The following ZNF385D variants were observed in gnomAD, a reference collection of about 807,000 sequenced individuals.
ZNF385D encodes the protein zinc finger protein 385D.
In ZNF385D, 15 loss-of-function variants were observed where a neutral mutation model predicts 35.8. The observed-to-expected ratio is 0.42, with a 90% CI of 0.28 to 0.64. ZNF385D has a LOEUF of 0.64. Ranked by LOEUF, ZNF385D falls within the 30% of genes least tolerant of loss-of-function variation. The probability of loss-of-function intolerance (pLI) is 0.23; values close to 1 mark genes in which losing one functional copy is unlikely to be tolerated. For synonymous variants in ZNF385D, 212 were observed against 186.8 expected (o/e 1.13, Z -1.10); for missense variants, 474 against 494.6 (o/e 0.96, Z 0.39).
At chr3:22,209,099 C>CCCATAATATT (rs1697347576) in intron 2 of ZNF385D, among the ~76,000 whole-genome samples, 1 of 151,884 alleles carries the variant, frequency 6.6e-6, no homozygotes, top group Non-Finnish European at 1.5e-5. Flanking sequence ...AGGCATTCTG[C>CCCATAATATT]TCCTCCGATT....
At chr3:21,508,762 T>G (rs1292089134) in intron 4 of ZNF385D, among the ~76,000 whole-genome samples, 1 of 152,162 alleles carries the variant, frequency 6.6e-6, no homozygotes, top group African/African-American at 2.4e-5. Context: ...GATACTAAAC[T>G]TCTACACTTT....
At chr3:21,614,329 C>T (rs1164220182) in intron 2 of ZNF385D, among the ~76,000 whole-genome samples, 1 of 152,178 alleles carries the variant, frequency 6.6e-6, no homozygotes, top group East Asian at 1.9e-4. Context: ...CTAATCTCTT[C>T]CTCTTAAAGG....
chr3:21,843,786 G>T (rs1695827305), intron 3 of ZNF385D, among the ~76,000 whole-genome samples: 3 of 151,878 alleles, frequency 2.0e-5, no homozygotes, highest in Non-Finnish European at 2.9e-5. Context: ...TATGAACTTT[G>T]ACAGAAACAA....
chr3:21,965,500 G>A (rs1329362818), intron 3 of ZNF385D, among the ~76,000 whole-genome samples: 1 of 116,964 alleles, frequency 8.5e-6, no homozygotes, highest in African/African-American at 6.8e-5. Context: ...ATCCCTCAGA[G>A]TAACTGGCTT....
In ZNF385D at chr3:22,325,082, G is replaced by A. The variant is rs1340659790; in HGVS notation, c.106+47368C>T. ...ATGCAAAGTACTTAGTATAGTGCAC[G>A]CCACAGAGTGCTATATAAAGTGTAA... On this transcript the variant is annotated intron_variant, in intron 2 of 5. Coordinates refer to the ZNF385D transcript ENST00000494108. Among the ~76,000 whole-genome samples, 7 of 152,234 alleles carry A rather than the reference G, an allele frequency of 4.6e-5. 1 individual carries two copies. Among genetic ancestry groups the A allele is most frequent in the Middle Eastern group, 3.4e-3 (1 of 294 alleles).
intron 3 of ZNF385D, among the ~76,000 whole-genome samples, chr3:21,888,576 G>C (rs185007583): frequency 6.6e-6 from 1 of 152,230 alleles, no homozygotes; most frequent in Non-Finnish European, 1.5e-5. Flanking sequence ...CAGTGTTGCT[G>C]CGGAAACAGA....
At chr3:21,458,123 T>C (rs930480769) in intron 4 of ZNF385D, among the ~76,000 whole-genome samples, 1 of 151,926 alleles carries the variant, frequency 6.6e-6, no homozygotes, top group African/African-American at 2.4e-5. Flanking sequence ...GAATTTAAAC[T>C]CCCAGGCATC....
chr3:22,065,964 T>C (rs1199610741), intron 3 of ZNF385D, among the ~76,000 whole-genome samples: 1 of 152,092 alleles, frequency 6.6e-6, no homozygotes, highest in African/African-American at 2.4e-5. Context: ...GGCTCAGTTT[T>C]GACACTGGAC....
intron 4 of ZNF385D, among the ~76,000 whole-genome samples, chr3:21,470,933 A>T (rs1239388687): frequency 6.6e-6 from 1 of 152,130 alleles, no homozygotes; most frequent in Non-Finnish European, 1.5e-5. Context: ...TTAGAGTCTG[A>T]TAGTAGACTA....
intron 3 of ZNF385D, among the ~76,000 whole-genome samples, chr3:21,787,749 A>G (rs1399385554): frequency 6.6e-6 from 1 of 152,112 alleles, no homozygotes; most frequent in Admixed American, 6.5e-5. Context: ...TGAAAAGCAG[A>G]GGCCAAAACA....
At chr3:21,840,238 T>C (rs771440296) in intron 3 of ZNF385D, among the ~76,000 whole-genome samples, 1 of 152,026 alleles carries the variant, frequency 6.6e-6, no homozygotes, top group Non-Finnish European at 1.5e-5. Flanking sequence ...ATGCAAGACA[T>C]GGGGTAAGAT....
At chr3:22,098,092 T>C (rs937631812) in intron 3 of ZNF385D, among the ~76,000 whole-genome samples, 33 of 152,036 alleles carry the variant, frequency 2.2e-4, no homozygotes, top group African/African-American at 7.7e-4. Flanking sequence ...GTGGTATATG[T>C]TGGGAAAAGA....
At chr3:22,081,401 A>C (rs778546790) in intron 3 of ZNF385D, among the ~76,000 whole-genome samples, 9 of 152,208 alleles carry the variant, frequency 5.9e-5, no homozygotes, top group Non-Finnish European at 1.3e-4. Context: ...AAATTATCTA[A>C]TTTGTAAGTT....
intron 3 of ZNF385D, among the ~76,000 whole-genome samples, chr3:21,809,918 A>T (rs1212800653): frequency 6.6e-6 from 1 of 152,128 alleles, no homozygotes; most frequent in East Asian, 1.9e-4. Flanking sequence ...TGAAAACAAA[A>T]TCTCTAGGCA....
chr3:21,893,633 T>G (rs962591582), intron 3 of ZNF385D, among the ~76,000 whole-genome samples: 9 of 152,198 alleles, frequency 5.9e-5, no homozygotes, highest in Non-Finnish European at 1.2e-4. Context: ...GAAGTTCATT[T>G]GAAATTCTAG....
intron 1 of ZNF385D, among the ~76,000 whole-genome samples, chr3:21,672,122 T>C (rs2066594726): frequency 6.6e-6 from 1 of 152,160 alleles, no homozygotes; most frequent in Non-Finnish European, 1.5e-5. Context: ...CATATTTCCT[T>C]AAACCTCAGT....
At chr3:21,736,873 A>G (rs1209324247) in intron 1 of ZNF385D, among the ~76,000 whole-genome samples, 1 of 152,238 alleles carries the variant, frequency 6.6e-6, no homozygotes, top group African/African-American at 2.4e-5. Flanking sequence ...TCATCAATAA[A>G]AAATTTCCAT....
At chr3:22,204,535 C>T (rs1697019093) in intron 2 of ZNF385D, among the ~76,000 whole-genome samples, 1 of 151,818 alleles carries the variant, frequency 6.6e-6, no homozygotes, top group Non-Finnish European at 1.5e-5. Flanking sequence ...GGGACCAATC[C>T]CAGAGAGACA....
intron 2 of ZNF385D, among the ~76,000 whole-genome samples, chr3:22,200,882 CG>C (rs1339078894): frequency 6.6e-6 from 1 of 152,142 alleles, no homozygotes; most frequent in Non-Finnish European, 1.5e-5. Flanking sequence ...GGCTCACCAG[CG>C]GTCAGAGTGT....
Sources: gnomAD v4.1 joint callset for allele counts (sites outside exome capture counted in the v4.1 genomes callset) on GRCh38, gnomAD v4.1.1 for gene constraint, MANE v1.5 for transcripts, NCBI Gene and HGNC (gene_info 2026-07-23, HGNC 2026-07-21) for gene names.